IARS2: variants seen among roughly 807,000 people sequenced by gnomAD.
IARS2 encodes isoleucine--tRNA ligase, mitochondrial.
Under a neutral mutation model 126.3 loss-of-function variants are expected in IARS2, and 56 were observed. That is an observed-to-expected ratio of 0.44 (90% CI 0.36 to 0.55). The LOEUF (loss-of-function observed/expected upper bound fraction) is 0.55, where lower values mean the gene tolerates loss of function less well. Ranked by LOEUF, IARS2 falls within the 20% of genes least tolerant of loss-of-function variation. The probability of loss-of-function intolerance (pLI) is 0.00; values close to 1 mark genes in which losing one functional copy is unlikely to be tolerated. For synonymous variants in IARS2, 407 were observed against 441.1 expected, an observed-to-expected ratio of 0.92 and a Z score of 0.97; for missense variants, 1,127 against 1,245.9, an observed-to-expected ratio of 0.90 and a Z score of 1.44.
At chr1:220,125,897 G>A (rs1657144699) in intron 13 of IARS2, among the ~76,000 whole-genome samples, 1 of 151,310 alleles carries the variant, frequency 6.6e-6, no homozygotes, top group Non-Finnish European at 1.5e-5. Flanking sequence ...ACAAGGTCAG[G>A]AGATCGAGAC....
intron 22 of IARS2, among the ~76,000 whole-genome samples, chr1:220,146,750 C>T (rs1296276541): frequency 6.6e-6 from 1 of 152,140 alleles, no homozygotes; most frequent in African/African-American, 2.4e-5. Context: ...TGGTTTACCG[C>T]AACCTCCGCC....
intron 16 of IARS2, 99 bp downstream of exon 16, chr1:220,137,010 T>C: frequency 3.1e-6 from 2 of 640,144 alleles, no homozygotes. Context: ...AAATAAAAAC[T>C]ATCTTTTATA....
chr1:220,116,592 A>G (rs1368753331), intron 12 of IARS2, among the ~76,000 whole-genome samples: 1 of 152,102 alleles, frequency 6.6e-6, no homozygotes, highest in Non-Finnish European at 1.5e-5. Context: ...GTCATTGGAA[A>G]GCTATTTCAA....
intron 8 of IARS2, among the ~76,000 whole-genome samples, chr1:220,104,420 G>C (rs1397542615): frequency 1.3e-5 from 2 of 152,176 alleles, no homozygotes; most frequent in Non-Finnish European, 2.9e-5. Flanking sequence ...GTCTTGCTCT[G>C]TTGCCCAGGC....
At chr1:220,133,413 A>T (rs192946414) in intron 14 of IARS2, among the ~76,000 whole-genome samples, 74 of 152,274 alleles carry the variant, frequency 4.9e-4, no homozygotes, top group African/African-American at 1.6e-3. Context: ...CTGCTATATA[A>T]CAAGTGCTCA....
rs770969428 is a variant in IARS2, at chr1:220,114,478, G to T, written c.1640+4G>T. Reference sequence around the variant, plus strand: ...AGGATGAATACTTGATCAACAGGTAGAATGCTTTCTAAAATTTTTTAGTGT... The same window carrying T: ...AGGATGAATACTTGATCAACAGGTATAATGCTTTCTAAAATTTTTTAGTGT... On this transcript the variant is annotated splice_donor_region_variant and intron_variant, in intron 12 of 22. Coordinates refer to ENST00000366922, the MANE Select transcript of IARS2 (RefSeq NM_018060.4). 1.3e-6 allele frequency: 2 copies of T among 1,588,648 alleles called. No individual in the cohort carries two copies. Among genetic ancestry groups the T allele is most frequent in the South Asian group, 2.3e-5 (2 of 85,832 alleles).
At chr1:220,112,134 T>A in intron 11 of IARS2, among the ~76,000 whole-genome samples, 1 of 60,362 alleles carries the variant, frequency 1.7e-5, no homozygotes, top group African/African-American at 7.6e-5. Context: ...CTTTTTTTTT[T>A]TTTTTTTTTT....
intron 21 of IARS2, chr1:220,143,344 A>G: frequency 2.8e-6 from 1 of 352,298 alleles, no homozygotes; most frequent in South Asian, 1.1e-4. Flanking sequence ...TTTAAAAAAA[A>G]GTGTCTAAAT....
At chr1:220,116,530 G>C (rs1656916299) in intron 12 of IARS2, among the ~76,000 whole-genome samples, 1 of 152,008 alleles carries the variant, frequency 6.6e-6, no homozygotes, top group African/African-American at 2.4e-5. Context: ...AAGTAGACTT[G>C]AGGAGTAAGA....
In IARS2 at chr1:220,107,157, C is replaced by T. The variant is rs374022663; in HGVS notation, c.1327+6C>T. On this transcript the variant is annotated splice_donor_region_variant and intron_variant, in intron 10 of 22. Transcript: ENST00000366922. The stretch of plus-strand genomic sequence containing the variant: ...TGAAGAGGGAACTGATGTGGGTGAG[C>T]ATCATATCTGTTGATATCATACATG... 1.6e-5 allele frequency: 25 copies of T among 1,590,136 alleles called. No homozygotes were observed. Among genetic ancestry groups the T allele is most frequent in the Non-Finnish European group, 2.1e-5 (24 of 1,158,410 alleles).
At chr1:220,118,657 C>A (rs1656976586) in intron 12 of IARS2, among the ~76,000 whole-genome samples, 1 of 152,082 alleles carries the variant, frequency 6.6e-6, no homozygotes, top group South Asian at 2.1e-4. Flanking sequence ...TAATCACTTT[C>A]ATGCTATTAA....
At chr1:220,136,006 T>G (rs1216679501) in intron 15 of IARS2, among the ~76,000 whole-genome samples, 2 of 152,126 alleles carry the variant, frequency 1.3e-5, no homozygotes, top group Non-Finnish European at 2.9e-5. Flanking sequence ...ACCTGGTTAG[T>G]TTTAATGATA....
intron 2 of IARS2, among the ~76,000 whole-genome samples, chr1:220,098,765 T>C (rs1256737318): frequency 6.6e-6 from 1 of 152,230 alleles, no homozygotes; most frequent in African/African-American, 2.4e-5. Context: ...AAAATATTCC[T>C]ATGATATTGC....
At chr1:220,120,956 G>A (rs1312949236) in intron 12 of IARS2, among the ~76,000 whole-genome samples, 1 of 152,082 alleles carries the variant, frequency 6.6e-6, no homozygotes, top group Non-Finnish European at 1.5e-5. Context: ...TATAAAGTAA[G>A]GAAGGAAGTC....
At chr1:220,147,133 A>G (rs1317695386) in intron 22 of IARS2, among the ~76,000 whole-genome samples, 1 of 152,140 alleles carries the variant, frequency 6.6e-6, no homozygotes, top group Non-Finnish European at 1.5e-5. Context: ...CTATAATTTG[A>G]CTTTTAAAAA....
rs545442433 is a variant in IARS2 at position 220,133,460 on chromosome 1, A to G, written c.1838-942A>G. 3.9e-5 allele frequency among the ~76,000 whole-genome samples: 6 copies of G among 152,312 alleles called. No individual in the cohort carries two copies. The South Asian group carries it at 1.2e-3, about 32-fold the overall frequency. Reference sequence around the variant, plus strand: ...GCAATTGAATTGGTTTGATTCAGTTATTTAAATTTTGTTTCCCCACCTCCA... The same window carrying G: ...GCAATTGAATTGGTTTGATTCAGTTGTTTAAATTTTGTTTCCCCACCTCCA... On this transcript the variant is annotated intron_variant, in intron 14 of 22. Coordinates refer to ENST00000366922, the MANE Select transcript of IARS2 (RefSeq NM_018060.4).
chr1:220,102,570 C>G lies in IARS2; in HGVS notation c.825C>G (p.Leu275=). Residue 275 remains leucine, a synonymous_variant, in exon 6 of 23, where the codon CTC becomes CTG. Coordinates refer to ENST00000366922, the MANE Select transcript of IARS2 (RefSeq NM_018060.4). Reference sequence around the variant, plus strand: ...GTTCAATATATGTAAAATTTCCTCTCTTAAAGCCTTCTCCAAAATTGGCAT... The same window carrying G: ...GTTCAATATATGTAAAATTTCCTCTGTTAAAGCCTTCTCCAAAATTGGCAT... The part of the protein sequence containing the change: ...VSRSIYVKFP[L]LKPSPKLASL... 6.2e-7 allele frequency: 1 copy of G among 1,613,664 alleles called. No individual in the cohort carries two copies. Among genetic ancestry groups the G allele is most frequent in the Non-Finnish European group, 8.5e-7 (1 of 1,179,722 alleles).
chr1:220,114,101 A>T (rs994320233), intron 11 of IARS2, among the ~76,000 whole-genome samples: 1 of 152,136 alleles, frequency 6.6e-6, no homozygotes, highest in Non-Finnish European at 1.5e-5. Context: ...TGCTCCCGAT[A>T]TTATTTATTA....
intron 12 of IARS2, among the ~76,000 whole-genome samples, chr1:220,124,803 G>A (rs1367946555): frequency 6.6e-6 from 1 of 152,156 alleles, no homozygotes; most frequent in Admixed American, 6.5e-5. Flanking sequence ...GTAAAGTAAA[G>A]GGATGAGGGT....
Sources: gnomAD v4.1 joint callset for allele counts (sites outside exome capture counted in the v4.1 genomes callset) on GRCh38, gnomAD v4.1.1 for gene constraint, MANE v1.5 for transcripts, NCBI Gene and HGNC (gene_info 2026-07-23, HGNC 2026-07-21) for gene names.